ALX1: variants seen among roughly 807,000 people sequenced by gnomAD.
ALX1 encodes the protein ALX homeobox 1.
ALX1 carries 19 observed loss-of-function variants against 31.7 expected under a neutral mutation model. The observed-to-expected ratio is 0.60, with a 90% CI of 0.42 to 0.88. The LOEUF is 0.88. Among genes scored for constraint, ALX1 ranks in the 40% least tolerant of loss-of-function variants. The probability of loss-of-function intolerance (pLI) is 0.00; values close to 1 mark genes in which losing one functional copy is unlikely to be tolerated. For synonymous variants in ALX1, 153 were observed against 148.8 expected (o/e 1.03, Z -0.20); for missense variants, 415 against 407.8 (o/e 1.02, Z -0.15).
intron 3 of ALX1, among the ~76,000 whole-genome samples, chr12:85,299,069 T>C (rs1006286946): frequency 6.6e-6 from 1 of 151,692 alleles, no homozygotes; most frequent in African/African-American, 2.4e-5. Context: ...AGAAACTGTA[T>C]AAATCAAGCA....
In ALX1 at chr12:85,300,574, A is replaced by T. The variant is rs1308443754; in HGVS notation, c.661-581A>T. ...AAATATGTATATTTACATATTTTGT[A>T]ATTTCCCAGATTCTCAGAGCTGTTT... is the stretch of plus-strand genomic sequence containing the variant. On this transcript the variant is annotated intron_variant, in intron 3 of 3. Coordinates refer to ENST00000316824, the MANE Select transcript of ALX1 (RefSeq NM_006982.3). Among the ~76,000 whole-genome samples, 3 of 152,182 alleles carry T rather than the reference A, an allele frequency of 2.0e-5. No individual in the cohort carries two copies. In the East Asian group the frequency reaches 5.8e-4, roughly 29 times the overall value.
intron 2 of ALX1, among the ~76,000 whole-genome samples, chr12:85,286,157 T>G (rs942181442): frequency 2.0e-5 from 3 of 151,912 alleles, no homozygotes; most frequent in South Asian, 2.1e-4. Flanking sequence ...GAAAATAAGT[T>G]GCATAATGTA....
In ALX1 at chr12:85,301,658, A is replaced by G. The variant is rs1896968828; in HGVS notation, c.*183A>G. 8.6e-6 allele frequency: 6 copies of G among 698,868 alleles called. No individual in the cohort carries two copies. The highest frequency in any genetic ancestry group is 8.1e-5 in the East Asian group (3 of 36,850). 43.3% of individuals were successfully genotyped at this position (698,868 alleles called of 1,614,324 possible). On this transcript the variant is annotated 3_prime_UTR_variant, in exon 4 of 4. Coordinates refer to ENST00000316824, the MANE Select transcript of ALX1 (RefSeq NM_006982.3). ...AATCTAAGAATGAACCTCTGAAAAG[A>G]CTAAATAGGTTTACCATGTGCCAGT...
At chr12:85,300,080 C>A (rs1896943792) in intron 3 of ALX1, among the ~76,000 whole-genome samples, 1 of 151,910 alleles carries the variant, frequency 6.6e-6, no homozygotes, top group East Asian at 1.9e-4. Flanking sequence ...TTTTTACCTT[C>A]CCCAGCTCCT....
rs776213513 is a variant in ALX1 at position 85,280,385 on chromosome 12, A to G, written c.124A>G (p.Ser42Gly). Residue 42 changes from serine to glycine, a missense_variant, in exon 1 of 4, where the codon AGC becomes GGC. This residue lies in a region of ALX1 where 235 missense variants were observed against 208.9 expected (regional missense o/e 1.13). Transcript: ENST00000316824. ...GACGCTGGACAATGAGTCCTTTTAC[A>G]GCAAAGCGTCTGCAGGCAAATGCGT... ...METLDNESFY[S>G]KASAGKCVQA... 2 of 1,613,774 alleles carry G rather than the reference A, an allele frequency of 1.2e-6. No individual in the cohort carries two copies. The highest frequency in any genetic ancestry group is 1.7e-6 in the Non-Finnish European group (2 of 1,180,046).
chr12:85,295,498 T>C (rs528013970), intron 3 of ALX1, among the ~76,000 whole-genome samples: 133 of 151,708 alleles, frequency 8.8e-4, no homozygotes, highest in African/African-American at 3.1e-3. Flanking sequence ...AATACATTTA[T>C]ATAGTATTAA....
intron 2 of ALX1, 82 bp downstream of exon 2, chr12:85,283,958 A>G (rs1325416060): frequency 9.0e-6 from 13 of 1,442,908 alleles, no homozygotes; most frequent in Non-Finnish European, 1.3e-5. Context: ...ATTTTGCCAC[A>G]AAGAAACAAA....
intron 1 of ALX1, among the ~76,000 whole-genome samples, chr12:85,281,954 G>A (rs1896679901): frequency 6.6e-6 from 1 of 152,066 alleles, no homozygotes; most frequent in South Asian, 2.1e-4. Flanking sequence ...TAATTGATGC[G>A]TTATCAACTT....
At chr12:85,282,103 C>T (rs1896682040) in intron 1 of ALX1, among the ~76,000 whole-genome samples, 1 of 152,040 alleles carries the variant, frequency 6.6e-6, no homozygotes, top group Non-Finnish European at 1.5e-5. Context: ...TGCTTCCCCT[C>T]CCCCATCCCT....
At chr12:85,296,045 AAACT>A (rs1339493931) in intron 3 of ALX1, among the ~76,000 whole-genome samples, 1 of 151,546 alleles carries the variant, frequency 6.6e-6, no homozygotes, top group Non-Finnish European at 1.5e-5. Flanking sequence ...ATTAAGTAAA[AAACT>A]AACAAACTCA....
intron 3 of ALX1, among the ~76,000 whole-genome samples, chr12:85,298,236 T>A (rs923269708): frequency 1.3e-5 from 2 of 151,766 alleles, no homozygotes; most frequent in Non-Finnish European, 3.0e-5. Flanking sequence ...TCTTGGGTGA[T>A]CTTCTTCAGC....
intron 3 of ALX1, among the ~76,000 whole-genome samples, chr12:85,288,029 T>A (rs560456969): frequency 3.3e-5 from 5 of 151,534 alleles, no homozygotes; most frequent in Non-Finnish European, 7.4e-5. Context: ...CCTTTTATGA[T>A]TCTTAAAAAC....
intron 3 of ALX1, among the ~76,000 whole-genome samples, chr12:85,296,810 A>G (rs17012676): frequency 0.034 from 4,783 of 142,534 alleles, 249 homozygotes; most frequent in African/African-American, 0.11. Flanking sequence ...AATATTAAAC[A>G]GAGGCCTACG....
At chr12:85,301,005 T>G in intron 3 of ALX1, 150 bp from the exon 4 acceptor site, 2 of 744,844 alleles carry the variant, frequency 2.7e-6, no homozygotes, top group Non-Finnish European at 4.4e-6. Flanking sequence ...CAAGTAATTA[T>G]TTTTTAGTCA....
intron 3 of ALX1, among the ~76,000 whole-genome samples, chr12:85,295,981 G>A (rs1361399059): frequency 3.3e-5 from 5 of 151,454 alleles, no homozygotes; most frequent in South Asian, 2.1e-4. Flanking sequence ...TTAGGATATT[G>A]ACTATAAAAT....
At chr12:85,290,498 A>G (rs1188313725) in intron 3 of ALX1, among the ~76,000 whole-genome samples, 1 of 151,134 alleles carries the variant, frequency 6.6e-6, no homozygotes, top group African/African-American at 2.4e-5. Flanking sequence ...AAGCCTAAAC[A>G]CCTCATTGAC....
At position 85,280,330 on chromosome 12, in the gene ALX1, C is replaced by G. The variant is rs1415086346; in HGVS notation, c.69C>G (p.Gly23=). The change falls in exon 1 of 4, where the codon GGC becomes GGG. Residue 23 remains glycine, a synonymous_variant. Transcript: ENST00000316824. ...PPSKNSDFYM[G]AGGPLEHVME... ...GTAAAAACAGTGACTTTTACATGGG[C>G]GCAGGAGGTCCTCTGGAGCACGTTA... The G allele has an allele frequency of 1.2e-6, 2 of 1,613,890 alleles. No homozygotes were observed. The highest frequency in any genetic ancestry group is 2.7e-5 in the African/African-American group (2 of 75,032).
intron 3 of ALX1, among the ~76,000 whole-genome samples, chr12:85,300,559 A>G (rs1565944300): frequency 2.0e-5 from 3 of 152,044 alleles, no homozygotes; most frequent in East Asian, 1.9e-4. Flanking sequence ...AAATATGTAT[A>G]TTTACATATT....
chr12:85,293,990 G>T (rs1008080723), intron 3 of ALX1, among the ~76,000 whole-genome samples: 1 of 151,004 alleles, frequency 6.6e-6, no homozygotes, highest in African/African-American at 2.4e-5. Flanking sequence ...ACTCACAGTT[G>T]ATTTTTAAAA....
Sources: gnomAD v4.1 joint callset for allele counts (sites outside exome capture counted in the v4.1 genomes callset) on GRCh38, gnomAD v4.1.1 for gene constraint, gnomAD v4.1.1 regional missense constraint, MANE v1.5 for transcripts, NCBI Gene and HGNC (gene_info 2026-07-23, HGNC 2026-07-21) for gene names.